Variants in R3HCC1L observed in about 807,000 individuals in gnomAD.
R3HCC1L encodes coiled-coil domain-containing protein R3HCC1L.
A neutral mutation model predicts 59.9 loss-of-function variants in R3HCC1L; 51 were observed. The observed-to-expected ratio is 0.85, with a 90% CI of 0.68 to 1.07. The LOEUF (loss-of-function observed/expected upper bound fraction) is 1.07. R3HCC1L is among the 50% of genes least tolerant of loss of function. The probability of loss-of-function intolerance (pLI) is 0.00; values close to 1 mark genes in which losing one functional copy is unlikely to be tolerated. For missense variants in R3HCC1L, 965 were observed against 933.0 expected (o/e 1.03, Z -0.45); for synonymous variants, 322 against 315.2 (o/e 1.02, Z -0.23).
intron 4 of R3HCC1L, among the ~76,000 whole-genome samples, chr10:98,205,870 T>G (rs917509128): frequency 5.3e-5 from 8 of 152,288 alleles, no homozygotes; most frequent in African/African-American, 1.7e-4. Context: ...CTAGTATATG[T>G]CAGTCATCCA....
intron 1 of R3HCC1L, among the ~76,000 whole-genome samples, chr10:98,134,992 C>T (rs1001985623): frequency 2.0e-5 from 3 of 152,128 alleles, no homozygotes; most frequent in East Asian, 3.9e-4. Flanking sequence ...ATGATCCTGG[C>T]GGAAAGGACG....
chr10:98,226,089 C>G (rs1458331949), intron 5 of R3HCC1L, among the ~76,000 whole-genome samples: 1 of 152,142 alleles, frequency 6.6e-6, no homozygotes, highest in Non-Finnish European at 1.5e-5. Context: ...GTTTGCCTGC[C>G]TGGGCCTCCC....
intron 5 of R3HCC1L, among the ~76,000 whole-genome samples, chr10:98,219,167 C>T (rs531583290): frequency 1.3e-5 from 2 of 152,238 alleles, no homozygotes; most frequent in African/African-American, 2.4e-5. Context: ...CTGCCTTGGC[C>T]TCCCAAAGTG....
chr10:98,217,664 G>A (rs112800480), intron 5 of R3HCC1L, among the ~76,000 whole-genome samples: 2,019 of 152,176 alleles, frequency 0.013, 50 homozygotes, highest in African/African-American at 0.045. Context: ...GATGTCTTCC[G>A]ATTTGTTTGT....
intron 4 of R3HCC1L, among the ~76,000 whole-genome samples, chr10:98,179,573 C>T (rs1472768050): frequency 6.6e-6 from 1 of 152,066 alleles, no homozygotes; most frequent in Non-Finnish European, 1.5e-5. Context: ...TGATGCTGGC[C>T]TCATAAAATG....
At chr10:98,202,713 A>G (rs961635229) in intron 4 of R3HCC1L, among the ~76,000 whole-genome samples, 3 of 152,138 alleles carry the variant, frequency 2.0e-5, no homozygotes, top group Non-Finnish European at 4.4e-5. Flanking sequence ...TGAGCCAGGC[A>G]TGGTGGCAGT....
chr10:98,160,871 A>C (rs895668597), intron 2 of R3HCC1L, among the ~76,000 whole-genome samples: 2 of 152,140 alleles, frequency 1.3e-5, no homozygotes, highest in African/African-American at 4.8e-5. Flanking sequence ...AGGATTGAGG[A>C]GATAGATGCA....
At chr10:98,232,002 G>A (rs532472630) in intron 6 of R3HCC1L, among the ~76,000 whole-genome samples, 7 of 152,158 alleles carry the variant, frequency 4.6e-5, no homozygotes, top group African/African-American at 1.7e-4. Context: ...TTGTCAGATT[G>A]CCTGCCATCT....
intron 9 of R3HCC1L, among the ~76,000 whole-genome samples, chr10:98,240,248 G>C (rs530933119): frequency 1.3e-5 from 2 of 152,172 alleles, no homozygotes; most frequent in Non-Finnish European, 2.9e-5. Context: ...GGAGGTTGCG[G>C]TGAGCCGAGA....
chr10:98,193,199 C>CT (rs1851046682), intron 4 of R3HCC1L, among the ~76,000 whole-genome samples: 1 of 151,964 alleles, frequency 6.6e-6, no homozygotes, highest in African/African-American at 2.4e-5. Flanking sequence ...AGTTTTTCCT[C>CT]TAAGATCAGG....
At chr10:98,217,247 A>C (rs1006779700) in intron 5 of R3HCC1L, among the ~76,000 whole-genome samples, 2 of 152,068 alleles carry the variant, frequency 1.3e-5, no homozygotes, top group African/African-American at 4.8e-5. Context: ...ATAGACATCC[A>C]ATTTTTTCAG....
At chr10:98,166,758 C>T (rs896729619) in intron 4 of R3HCC1L, among the ~76,000 whole-genome samples, 2 of 152,148 alleles carry the variant, frequency 1.3e-5, no homozygotes, top group East Asian at 1.9e-4. Context: ...TTCTGCCTCC[C>T]AGGTTCAAGC....
chr10:98,159,043 T>C (rs1028159621), intron 2 of R3HCC1L, among the ~76,000 whole-genome samples: 3 of 152,174 alleles, frequency 2.0e-5, no homozygotes, highest in Non-Finnish European at 2.9e-5. Context: ...TGGGCTCAAG[T>C]GATCCTCTTG....
chr10:98,198,576 T>G (rs961740783), intron 4 of R3HCC1L, among the ~76,000 whole-genome samples: 7 of 151,986 alleles, frequency 4.6e-5, no homozygotes, highest in Non-Finnish European at 1.0e-4. Context: ...GGAAAAATGC[T>G]TCTAAATTTG....
chr10:98,231,138 A>G (rs1856337869), intron 5 of R3HCC1L: 1 of 332,112 alleles, frequency 3.0e-6, no homozygotes, highest in Non-Finnish European at 5.9e-6. Flanking sequence ...AAGCTCAATT[A>G]AAACAAATAT....
intron 4 of R3HCC1L, among the ~76,000 whole-genome samples, chr10:98,172,788 A>G (rs1050157925): frequency 6.6e-6 from 1 of 152,178 alleles, no homozygotes; most frequent in African/African-American, 2.4e-5. Context: ...CCAGCCTAGT[A>G]TGTATTCAGT....
intron 4 of R3HCC1L, among the ~76,000 whole-genome samples, chr10:98,175,097 G>C (rs1199410935): frequency 6.6e-6 from 1 of 152,126 alleles, no homozygotes; most frequent in East Asian, 1.9e-4. Flanking sequence ...GTAAGTCAAT[G>C]AAGTTTTAAG....
chr10:98,202,015 C>T (rs1319551848), intron 4 of R3HCC1L, among the ~76,000 whole-genome samples: 1 of 152,040 alleles, frequency 6.6e-6, no homozygotes, highest in African/African-American at 2.4e-5. Context: ...TGTCCTCCCA[C>T]CTCAGCCTTC....
chr10:98,181,635 C>T (rs117734306), intron 4 of R3HCC1L, among the ~76,000 whole-genome samples: 4,585 of 152,262 alleles, frequency 0.03, 109 homozygotes, highest in Non-Finnish European at 0.046. Context: ...CCATTCTCCC[C>T]GTCACTTTCA....
Sources: allele counts gnomAD v4.1 joint callset (sites outside exome capture counted in the v4.1 genomes callset), GRCh38; gene constraint gnomAD v4.1.1; transcripts MANE v1.5; gene names NCBI Gene and HGNC (gene_info 2026-07-23, HGNC 2026-07-21).